The following LRRC4C variants were observed in gnomAD, a reference collection of about 807,000 sequenced individuals.
The protein encoded by LRRC4C is leucine-rich repeat-containing protein 4C.
In LRRC4C, 5 loss-of-function variants were observed where a neutral mutation model predicts 33.6. That is an observed-to-expected ratio of 0.15 (90% CI 0.08 to 0.31). LRRC4C has a LOEUF of 0.31. Ranked by LOEUF, LRRC4C falls within the 10% of genes least tolerant of loss-of-function variation. LRRC4C has a pLI of 1.00. For synonymous variants in LRRC4C, 329 were observed against 302.0 expected, an observed-to-expected ratio of 1.09 and a Z score of -0.93; for missense variants, 560 against 796.7, an observed-to-expected ratio of 0.70 and a Z score of 3.58.
chr11:41,015,700 GA>G (rs1274293664), intron 1 of LRRC4C, among the ~76,000 whole-genome samples: 3 of 152,018 alleles, frequency 2.0e-5, no homozygotes, highest in Non-Finnish European at 4.4e-5. Flanking sequence ...TTTAAATTTG[GA>G]AAAAAATATC....
intron 2 of LRRC4C, among the ~76,000 whole-genome samples, chr11:40,846,980 T>C (rs1446989197): frequency 6.6e-6 from 1 of 152,182 alleles, no homozygotes; most frequent in Non-Finnish European, 1.5e-5. Flanking sequence ...GGAATGCTTG[T>C]GATTTTTGCA....
intron 1 of LRRC4C, among the ~76,000 whole-genome samples, chr11:41,229,556 C>T (rs1451492790): frequency 1.3e-5 from 2 of 152,068 alleles, no homozygotes; most frequent in Non-Finnish European, 2.9e-5. Context: ...TCTCAACTTG[C>T]CCTTCTCATA....
intron 2 of LRRC4C, among the ~76,000 whole-genome samples, chr11:40,871,619 A>T (rs1954651676): frequency 6.6e-6 from 1 of 152,046 alleles, no homozygotes; most frequent in Non-Finnish European, 1.5e-5. Context: ...ACAAAGCGTC[A>T]CTTCCACACT....
At chr11:41,143,978 T>C (rs1943624218) in intron 1 of LRRC4C, among the ~76,000 whole-genome samples, 2 of 152,192 alleles carry the variant, frequency 1.3e-5, no homozygotes, top group Admixed American at 6.5e-5. Flanking sequence ...GAGTGTACTT[T>C]CTGAAGTCTT....
At chr11:40,388,368 G>A (rs1311781037) in intron 3 of LRRC4C, among the ~76,000 whole-genome samples, 4 of 152,142 alleles carry the variant, frequency 2.6e-5, no homozygotes, top group Non-Finnish European at 5.9e-5. Flanking sequence ...CCATAAAAGT[G>A]TCATCTGGTG....
At chr11:40,914,603 C>T (rs869234733) in intron 2 of LRRC4C, among the ~76,000 whole-genome samples, 2 of 152,252 alleles carry the variant, frequency 1.3e-5, no homozygotes, top group South Asian at 2.1e-4. Flanking sequence ...ACTGAATGGG[C>T]AAAAACTGGA....
intron 3 of LRRC4C, among the ~76,000 whole-genome samples, chr11:40,473,006 A>G (rs1018616765): frequency 6.6e-6 from 1 of 152,222 alleles, no homozygotes; most frequent in African/African-American, 2.4e-5. Context: ...ACAGACTCAC[A>G]GCTGAATTCT....
intron 1 of LRRC4C, among the ~76,000 whole-genome samples, chr11:41,358,504 A>G (rs1025496809): frequency 6.6e-6 from 1 of 152,200 alleles, no homozygotes; most frequent in African/African-American, 2.4e-5. Context: ...AGACACATTT[A>G]ACAAAGGATT....
At chr11:40,704,250 T>A (rs1476710085) in intron 2 of LRRC4C, among the ~76,000 whole-genome samples, 1 of 152,188 alleles carries the variant, frequency 6.6e-6, no homozygotes, top group Non-Finnish European at 1.5e-5. Flanking sequence ...CATCCCTTCA[T>A]TTTCATATCA....
At chr11:40,913,732 C>T (rs185041552) in intron 2 of LRRC4C, among the ~76,000 whole-genome samples, 1 of 152,202 alleles carries the variant, frequency 6.6e-6, no homozygotes, top group African/African-American at 2.4e-5. Flanking sequence ...ACACAAAAAA[C>T]CCTTCAAAAA....
chr11:40,872,530 C>T (rs903224899), intron 2 of LRRC4C, among the ~76,000 whole-genome samples: 1 of 152,014 alleles, frequency 6.6e-6, no homozygotes, highest in South Asian at 2.1e-4. Flanking sequence ...TAATTTTCGA[C>T]TCTATGTTAC....
At chr11:41,233,543 C>A (rs1433376446) in intron 1 of LRRC4C, among the ~76,000 whole-genome samples, 4 of 151,878 alleles carry the variant, frequency 2.6e-5, no homozygotes, top group African/African-American at 9.7e-5. Flanking sequence ...CACATAAAAA[C>A]GCCTAGAAGA....
intron 3 of LRRC4C, among the ~76,000 whole-genome samples, chr11:40,570,187 G>A (rs937836286): frequency 2.0e-5 from 3 of 152,080 alleles, no homozygotes; most frequent in Admixed American, 2.0e-4. Flanking sequence ...TGTCTGAGTA[G>A]TGTAATTATA....
intron 2 of LRRC4C, among the ~76,000 whole-genome samples, chr11:40,725,867 T>C (rs1947269321): frequency 6.6e-6 from 1 of 152,110 alleles, no homozygotes; most frequent in Admixed American, 6.6e-5. Flanking sequence ...CTATTACATC[T>C]TGCCTGAGAA....
At chr11:41,277,334 G>C (rs1052132273) in intron 1 of LRRC4C, among the ~76,000 whole-genome samples, 5 of 152,024 alleles carry the variant, frequency 3.3e-5, no homozygotes, top group African/African-American at 1.2e-4. Flanking sequence ...AATATTATTT[G>C]CCATTACACT....
chr11:41,014,364 C>A (rs1233979029), intron 1 of LRRC4C, among the ~76,000 whole-genome samples: 1 of 152,022 alleles, frequency 6.6e-6, no homozygotes, highest in Non-Finnish European at 1.5e-5. Context: ...GGTCTAGTTG[C>A]CTCCAAAGAA....
chr11:40,305,841 G>T (rs1307408364), intron 4 of LRRC4C, among the ~76,000 whole-genome samples: 3 of 152,212 alleles, frequency 2.0e-5, no homozygotes, highest in African/African-American at 7.2e-5. Context: ...AAGTAATGCA[G>T]AAGAATAGTT....
At chr11:41,435,756 A>C (rs1272524310) in intron 1 of LRRC4C, among the ~76,000 whole-genome samples, 1 of 152,242 alleles carries the variant, frequency 6.6e-6, no homozygotes, top group African/African-American at 2.4e-5. Context: ...ATTAATTTGC[A>C]AAGTGTTAAC....
At chr11:40,577,868 C>A (rs1958265291) in intron 3 of LRRC4C, among the ~76,000 whole-genome samples, 1 of 133,962 alleles carries the variant, frequency 7.5e-6, no homozygotes, top group Non-Finnish European at 1.5e-5. Context: ...CGGAGTCTCG[C>A]TCTGTCGCCC....
Sources: allele counts gnomAD v4.1 joint callset (sites outside exome capture counted in the v4.1 genomes callset), GRCh38; gene constraint gnomAD v4.1.1; transcripts MANE v1.5; gene names NCBI Gene and HGNC (gene_info 2026-07-23, HGNC 2026-07-21).